TCF4: variants seen among roughly 807,000 people sequenced by gnomAD.
TCF4 encodes the protein SL3-3 enhancer factor 2.
Under a neutral mutation model 82.1 loss-of-function variants are expected in TCF4, and 3 were observed. The ratio of observed to expected loss-of-function variants is 0.04; its 90% CI spans 0.02 to 0.09. The LOEUF (loss-of-function observed/expected upper bound fraction) is 0.09, where lower values mean the gene tolerates loss of function less well. Among genes scored for constraint, TCF4 ranks in the 10% least tolerant of loss-of-function variants. The pLI is 1.00. For missense variants in TCF4, 518 were observed against 852.7 expected (o/e 0.61, Z 4.89); for synonymous variants, 276 against 309.6 (o/e 0.89, Z 1.14).
intron 8 of TCF4, among the ~76,000 whole-genome samples, chr18:55,339,149 G>A (rs1427955246): frequency 6.6e-6 from 1 of 152,002 alleles, no homozygotes; most frequent in East Asian, 1.9e-4. Flanking sequence ...TCCCTAAATA[G>A]CATTAAACAG....
chr18:55,612,773 T>C (rs1603625427), intron 2 of TCF4, among the ~76,000 whole-genome samples: 1 of 151,864 alleles, frequency 6.6e-6, no homozygotes, highest in African/African-American at 2.4e-5. Context: ...CATGGTGAAA[T>C]CCCATCTCTA....
At chr18:55,490,749 G>C (rs1188089989) in intron 3 of TCF4, among the ~76,000 whole-genome samples, 1 of 152,112 alleles carries the variant, frequency 6.6e-6, no homozygotes. Context: ...AAAGGAATAC[G>C]GAGATGACCT....
chr18:55,365,088 G>A (rs955615542), intron 6 of TCF4, among the ~76,000 whole-genome samples: 1 of 147,834 alleles, frequency 6.8e-6, no homozygotes, highest in African/African-American at 2.5e-5. Context: ...GGGAGGTGGA[G>A]GTTGCAGTGA....
intron 3 of TCF4, among the ~76,000 whole-genome samples, chr18:55,544,226 A>G (rs2097186962): frequency 6.6e-6 from 1 of 152,246 alleles, no homozygotes; most frequent in Middle Eastern, 3.4e-3. Flanking sequence ...CTGGGATTCA[A>G]TTTCCTCAAT....
At chr18:55,236,068 CATGT>C (rs529562444) in intron 15 of TCF4, among the ~76,000 whole-genome samples, 1,060 of 41,982 alleles carry the variant, frequency 0.025, 5 homozygotes, top group African/African-American at 0.12. Flanking sequence ...TTCATGTGTG[CATGT>C]GTGTGTGTGT....
intron 9 of TCF4, 84 bp from the exon 10 acceptor site, chr18:55,275,836 G>C: frequency 6.5e-7 from 1 of 1,534,830 alleles, no homozygotes; most frequent in South Asian, 1.1e-5. Flanking sequence ...ACTTGAAAAT[G>C]ACTGCCTGTT....
intron 8 of TCF4, among the ~76,000 whole-genome samples, chr18:55,332,978 C>A (rs1443067960): frequency 3.9e-5 from 6 of 152,070 alleles, no homozygotes; most frequent in Admixed American, 2.0e-4. Context: ...ACACAGAAGC[C>A]CACATCTTTT....
chr18:55,492,229 G>C (rs563750325), intron 3 of TCF4: 11 of 152,272 alleles, frequency 7.2e-5, no homozygotes, highest in African/African-American at 2.6e-4. Flanking sequence ...GTCCAAGTAA[G>C]TGCAAAGATA....
At chr18:55,435,841 C>T (rs1176307036) in intron 5 of TCF4, among the ~76,000 whole-genome samples, 1 of 152,190 alleles carries the variant, frequency 6.6e-6, no homozygotes, top group Non-Finnish European at 1.5e-5. Context: ...AAGGAGCTCC[C>T]ACAGGACCCT....
At chr18:55,468,891 C>CCCCAA (rs763484029) in intron 3 of TCF4, among the ~76,000 whole-genome samples, 1 of 127,694 alleles carries the variant, frequency 7.8e-6, no homozygotes, top group African/African-American at 3.0e-5. Context: ...GCCCCCCCCC[C>CCCCAA]CCTTGTTCTA....
At chr18:55,262,484 T>A (rs2058266964) in intron 11 of TCF4, among the ~76,000 whole-genome samples, 1 of 152,174 alleles carries the variant, frequency 6.6e-6, no homozygotes, top group Non-Finnish European at 1.5e-5. Context: ...CTATTAAAGT[T>A]CTGAGGGAAG....
chr18:55,367,646 T>C (rs1344687468), intron 6 of TCF4, among the ~76,000 whole-genome samples: 1 of 152,232 alleles, frequency 6.6e-6, no homozygotes, highest in Non-Finnish European at 1.5e-5. Context: ...GTCCTCCTCA[T>C]TTATGAATGT....
chr18:55,359,248 T>G (rs543031827), intron 6 of TCF4, among the ~76,000 whole-genome samples: 8 of 152,180 alleles, frequency 5.3e-5, no homozygotes, highest in Admixed American at 3.9e-4. Context: ...CACAATGGGG[T>G]CAATCATCTT....
intron 15 of TCF4, among the ~76,000 whole-genome samples, chr18:55,242,705 G>T (rs1292940845): frequency 6.6e-6 from 1 of 151,914 alleles, no homozygotes; most frequent in Non-Finnish European, 1.5e-5. Context: ...CGCCTCCCGG[G>T]TTCAAGCGAT....
intron 3 of TCF4, among the ~76,000 whole-genome samples, chr18:55,579,725 C>A (rs956290251): frequency 4.0e-5 from 6 of 151,882 alleles, no homozygotes; most frequent in Non-Finnish European, 8.8e-5. Flanking sequence ...AGGCCTGGGG[C>A]CACCAGGACT....
At chr18:55,270,224 G>A (rs1163700956) in intron 10 of TCF4, among the ~76,000 whole-genome samples, 2 of 152,028 alleles carry the variant, frequency 1.3e-5, no homozygotes, top group Non-Finnish European at 2.9e-5. Context: ...TCACAATCTC[G>A]AAATCTACAG....
chr18:55,339,845 A>G (rs1375190792), intron 8 of TCF4, among the ~76,000 whole-genome samples: 1 of 152,214 alleles, frequency 6.6e-6, no homozygotes, highest in Non-Finnish European at 1.5e-5. Context: ...GATACATTAT[A>G]ATGCGTCAAA....
intron 3 of TCF4, among the ~76,000 whole-genome samples, chr18:55,582,969 G>A (rs1055446032): frequency 2.6e-5 from 4 of 151,998 alleles, no homozygotes. Context: ...AATGTATTAC[G>A]CTTTTTAAAA....
At position 55,381,915 on chromosome 18, in the gene TCF4, T is replaced by G. The variant is rs987335991; in HGVS notation, c.369+21539A>C. 7.4e-5 allele frequency among the ~76,000 whole-genome samples: 11 copies of G among 149,162 alleles called. No individual in the cohort carries two copies. The South Asian group carries it at 1.7e-3, about 23-fold the overall frequency. On this transcript the variant is annotated intron_variant, in intron 6 of 19. Coordinates refer to ENST00000354452, the MANE Select transcript of TCF4 (RefSeq NM_001083962.2). ...TATCAACAAACTCTAGAAGGGTTTT[T>G]TTTTTTTTTTAAAAAAGGAAATTCT...
Sources: gnomAD v4.1 joint callset for allele counts (sites outside exome capture counted in the v4.1 genomes callset) on GRCh38, gnomAD v4.1.1 for gene constraint, MANE v1.5 for transcripts, NCBI Gene and HGNC (gene_info 2026-07-23, HGNC 2026-07-21) for gene names.